Variants in AVEN observed in about 807,000 individuals in gnomAD.
The protein encoded by AVEN is cell death regulator Aven.
In AVEN, 41 loss-of-function variants were observed where a neutral mutation model predicts 38.1. The ratio of observed to expected loss-of-function variants is 1.08; its 90% CI spans 0.84 to 1.40. The LOEUF (loss-of-function observed/expected upper bound fraction) is 1.40. Ranked by LOEUF, AVEN falls within the 40% of genes most tolerant of loss-of-function variation. The pLI is 0.00. For synonymous variants in AVEN, 206 were observed against 171.8 expected, an observed-to-expected ratio of 1.20 and a Z score of -1.56; for missense variants, 605 against 438.8, an observed-to-expected ratio of 1.38 and a Z score of -3.38.
chr15:34,049,913 G>A (rs1312412774), intron 5 of AVEN, among the ~76,000 whole-genome samples: 1 of 148,598 alleles, frequency 6.7e-6, no homozygotes, highest in Non-Finnish European at 1.5e-5. Context: ...TTTGAGACAG[G>A]ATCTCACTCC....
In AVEN at chr15:33,945,975, C is replaced by T. The variant is rs76130660; in HGVS notation, c.445+57057G>A. On this transcript the variant is annotated intron_variant, in intron 2 of 5. Coordinates refer to ENST00000306730, the MANE Select transcript of AVEN (RefSeq NM_020371.3). Reference sequence around the variant, plus strand: ...CCTGATTCTTTTCATCCAAATTCACCGTTTACTAACCTCAGTGAGAGCAGG... The same window carrying T: ...CCTGATTCTTTTCATCCAAATTCACTGTTTACTAACCTCAGTGAGAGCAGG... Among the ~76,000 whole-genome samples, 693 of 152,218 alleles carry T rather than the reference C, an allele frequency of 4.6e-3. 6 individuals are homozygous for T. Among genetic ancestry groups the T allele is most frequent in the African/African-American group, 0.016 (663 of 41,520 alleles).
intron 2 of AVEN, among the ~76,000 whole-genome samples, chr15:33,910,480 C>A (rs1038527367): frequency 6.6e-6 from 1 of 152,188 alleles, no homozygotes; most frequent in African/African-American, 2.4e-5. Flanking sequence ...GAAATTGGGA[C>A]GTGAAGATAG....
At chr15:33,854,153 G>A (rs958777202), downstream of AVEN, among the ~76,000 whole-genome samples, 17 of 147,348 alleles carry the variant, frequency 1.2e-4, no homozygotes, top group African/African-American at 4.0e-4. Flanking sequence ...CCAAGATCAC[G>A]CCACTACACT....
chr15:33,990,601 C>G lies in AVEN; in HGVS notation c.445+12431G>C, dbSNP rs1382145597. The G allele has an allele frequency of 2.6e-5, 4 of 152,326 alleles. No homozygotes were observed. The East Asian group carries it at 7.7e-4, about 29-fold the overall frequency. 9.4% of individuals were successfully genotyped at this position (152,326 alleles called of 1,614,324 possible). Reference sequence around the variant, plus strand: ...TAATAAACATTTAAAAATAAACAGTCCTTCATGTGAACTTGAAAGTACAGT... The same window carrying G: ...TAATAAACATTTAAAAATAAACAGTGCTTCATGTGAACTTGAAAGTACAGT... On this transcript the variant is annotated intron_variant, in intron 2 of 5. Transcript: ENST00000306730.
chr15:33,869,891 C>T (rs901152204), intron 4 of AVEN, among the ~76,000 whole-genome samples: 1 of 151,814 alleles, frequency 6.6e-6, no homozygotes, highest in African/African-American at 2.4e-5. Context: ...TTGGGCCTCC[C>T]CCTCTCTTAG....
intron 2 of AVEN, among the ~76,000 whole-genome samples, chr15:33,925,699 G>T (rs1275804758): frequency 1.3e-5 from 2 of 152,162 alleles, no homozygotes; most frequent in Admixed American, 1.3e-4. Context: ...ATCCAACAAG[G>T]TACCACAGTA....
At chr15:33,860,687 G>T in intron 11 of AVEN, 1 of 1,481,412 alleles carries the variant, frequency 6.8e-7, no homozygotes, top group South Asian at 1.2e-5. Context: ...ACTAATCCCA[G>T]CTCTATTTTA....
intron 2 of AVEN, among the ~76,000 whole-genome samples, chr15:33,921,953 T>G (rs760931132): frequency 5.9e-5 from 9 of 152,120 alleles, no homozygotes; most frequent in Non-Finnish European, 4.4e-5. Flanking sequence ...GAGGGGTCTA[T>G]GGAAACACTC....
chr15:34,035,925 A>G (rs2140781630), intron 1 of AVEN, among the ~76,000 whole-genome samples: 1 of 152,178 alleles, frequency 6.6e-6, no homozygotes, highest in South Asian at 2.1e-4. Context: ...CCTCCCTTGT[A>G]GCAGGGACTA....
chr15:33,852,969 C>A, the AVEN span: 1 of 1,307,778 alleles, frequency 7.6e-7, no homozygotes, highest in Non-Finnish European at 1.1e-6. Context: ...TCCAGGCACT[C>A]AAACTGAAAC....
chr15:33,937,252 G>A (rs1170516491), intron 2 of AVEN, among the ~76,000 whole-genome samples: 4 of 150,540 alleles, frequency 2.7e-5, no homozygotes, highest in African/African-American at 9.8e-5. Flanking sequence ...AATTAAATCA[G>A]GGCCGGGCAC....
At chr15:33,903,778 G>C (rs1353261728) in intron 2 of AVEN, among the ~76,000 whole-genome samples, 3 of 151,880 alleles carry the variant, frequency 2.0e-5, no homozygotes. Context: ...ATACAGTCAT[G>C]CATCACATAA....
chr15:33,951,852 A>T (rs569231076), intron 2 of AVEN, among the ~76,000 whole-genome samples: 1 of 152,308 alleles, frequency 6.6e-6, no homozygotes, highest in East Asian at 1.9e-4. Flanking sequence ...TGATAAATAG[A>T]CTCAAAGTAA....
chr15:34,020,237 G>T (rs1277591469), intron 1 of AVEN, among the ~76,000 whole-genome samples: 1 of 152,070 alleles, frequency 6.6e-6, no homozygotes, highest in Non-Finnish European at 1.5e-5. Context: ...CGTGAACCAG[G>T]GAGGCGGAGC....
At chr15:33,986,973 G>A (rs1421772443) in intron 2 of AVEN, among the ~76,000 whole-genome samples, 1 of 152,160 alleles carries the variant, frequency 6.6e-6, no homozygotes, top group Non-Finnish European at 1.5e-5. Context: ...CTTTTCAAGT[G>A]CTAAATAAAC....
intron 2 of AVEN, among the ~76,000 whole-genome samples, chr15:33,935,289 A>T (rs1490213484): frequency 6.6e-6 from 1 of 152,206 alleles, no homozygotes; most frequent in Admixed American, 6.5e-5. Flanking sequence ...TATCACACAA[A>T]AATGCTAGCT....
chr15:34,070,674 A>T (rs1398491827), intron 1 of AVEN, among the ~76,000 whole-genome samples: 3 of 152,204 alleles, frequency 2.0e-5, no homozygotes, highest in Non-Finnish European at 4.4e-5. Flanking sequence ...ACACAGTCTA[A>T]GTCTTGGAGC....
chr15:33,852,059 C>T, the AVEN span: 1 of 3,042 alleles, frequency 3.3e-4, no homozygotes, highest in Non-Finnish European at 4.9e-3. Context: ...GGGGGAGAGG[C>T]GGCATGAGAG....
intron 1 of AVEN, among the ~76,000 whole-genome samples, chr15:34,004,181 G>A (rs1897243004): frequency 6.6e-6 from 1 of 152,166 alleles, no homozygotes; most frequent in African/African-American, 2.4e-5. Flanking sequence ...AGAAAAGCTT[G>A]GGTATAAAAA....
Sources: gnomAD v4.1 joint callset for allele counts (sites outside exome capture counted in the v4.1 genomes callset) on GRCh38, gnomAD v4.1.1 for gene constraint, MANE v1.5 for transcripts, NCBI Gene and HGNC (gene_info 2026-07-23, HGNC 2026-07-21) for gene names.